The following MGAT5 variants were observed in gnomAD, a reference collection of about 807,000 sequenced individuals.
The protein encoded by MGAT5 is alpha-1,6-mannosylglycoprotein 6-beta-N-acetylglucosaminyltransferase A.
A neutral mutation model predicts 94.3 loss-of-function variants in MGAT5; 30 were observed. The observed-to-expected ratio is 0.32, with a 90% CI of 0.24 to 0.43. The LOEUF (loss-of-function observed/expected upper bound fraction) is 0.43, where lower values mean the gene tolerates loss of function less well. MGAT5 is among the 20% of genes least tolerant of loss of function. The probability of loss-of-function intolerance (pLI) is 1.00; values close to 1 mark genes in which losing one functional copy is unlikely to be tolerated. For missense variants in MGAT5, 691 were observed against 905.5 expected (o/e 0.76, Z 3.04); for synonymous variants, 310 against 322.9 (o/e 0.96, Z 0.43).
chr2:134,411,649 G>T (rs181660862), intron 11 of MGAT5, among the ~76,000 whole-genome samples: 1 of 152,148 alleles, frequency 6.6e-6, no homozygotes, highest in Non-Finnish European at 1.5e-5. Flanking sequence ...CATGCAGCCC[G>T]GCAGCTTGGG....
intron 2 of MGAT5, among the ~76,000 whole-genome samples, chr2:134,286,283 C>T (rs76334344): frequency 0.026 from 3,967 of 152,250 alleles, 182 homozygotes; most frequent in African/African-American, 0.09. Flanking sequence ...GTACAGTTGT[C>T]GTAGGACTGT....
At chr2:134,226,209 T>C (rs776490017) in intron 1 of MGAT5, among the ~76,000 whole-genome samples, 12 of 152,224 alleles carry the variant, frequency 7.9e-5, no homozygotes, top group Non-Finnish European at 1.6e-4. Context: ...AATTGCCTAG[T>C]TGATGCATGG....
chr2:134,387,332 A>ATTTTTTTT (rs35936767), intron 10 of MGAT5, among the ~76,000 whole-genome samples: 20 of 24,248 alleles, frequency 8.2e-4, no homozygotes, highest in African/African-American at 3.4e-3. Flanking sequence ...ATATATATAT[A>ATTTTTTTT]TTTTTTTTTT....
At chr2:134,390,592 A>G (rs1343532923) in intron 10 of MGAT5, among the ~76,000 whole-genome samples, 3 of 152,228 alleles carry the variant, frequency 2.0e-5, no homozygotes, top group Non-Finnish European at 1.5e-5. Flanking sequence ...ACATGGCAGA[A>G]CCCTGTAACT....
At chr2:134,414,514 T>C (rs1441905375) in intron 12 of MGAT5, among the ~76,000 whole-genome samples, 1 of 152,232 alleles carries the variant, frequency 6.6e-6, no homozygotes, top group Non-Finnish European at 1.5e-5. Flanking sequence ...AAAAATATGC[T>C]TAAGGTGTAC....
At chr2:134,244,482 C>T (rs1365732718) in intron 1 of MGAT5, among the ~76,000 whole-genome samples, 2 of 152,098 alleles carry the variant, frequency 1.3e-5, no homozygotes, top group Non-Finnish European at 2.9e-5. Context: ...AGTCAGTGCC[C>T]AGACAGCACT....
At chr2:134,186,594 G>A (rs896213034) in intron 1 of MGAT5, among the ~76,000 whole-genome samples, 5 of 152,216 alleles carry the variant, frequency 3.3e-5, no homozygotes, top group South Asian at 2.1e-4. Flanking sequence ...GCAGTTGGCT[G>A]AGTCTGATGG....
At chr2:134,395,945 G>A (rs948484489) in intron 10 of MGAT5, among the ~76,000 whole-genome samples, 18 of 152,214 alleles carry the variant, frequency 1.2e-4, no homozygotes, top group African/African-American at 3.9e-4. Context: ...AAGACTAAAT[G>A]TGGAGGCCAG....
At chr2:134,291,750 T>C (rs1320954078) in intron 2 of MGAT5, among the ~76,000 whole-genome samples, 1 of 152,204 alleles carries the variant, frequency 6.6e-6, no homozygotes, top group Non-Finnish European at 1.5e-5. Flanking sequence ...ACTGTGAGAA[T>C]ATATTTAAGT....
chr2:134,175,785 C>T (rs939610670), intron 1 of MGAT5, among the ~76,000 whole-genome samples: 51 of 152,176 alleles, frequency 3.4e-4, no homozygotes, highest in African/African-American at 1.2e-3. Flanking sequence ...GTGTGTCCAC[C>T]TCCCTGGAAG....
At chr2:134,333,420 T>A (rs1303499351) in intron 4 of MGAT5, among the ~76,000 whole-genome samples, 1 of 110,626 alleles carries the variant, frequency 9.0e-6, no homozygotes, top group African/African-American at 3.6e-5. Flanking sequence ...AACATCACAC[T>A]CTGGGGACTG....
chr2:134,364,955 G>C (rs528436181), intron 10 of MGAT5, among the ~76,000 whole-genome samples: 2 of 152,148 alleles, frequency 1.3e-5, no homozygotes, highest in Non-Finnish European at 2.9e-5. Flanking sequence ...CTAAAGTTAC[G>C]TTCAACATAG....
At chr2:134,263,054 G>A (rs1336616383) in intron 1 of MGAT5, among the ~76,000 whole-genome samples, 4 of 152,174 alleles carry the variant, frequency 2.6e-5, no homozygotes, top group East Asian at 3.8e-4. Flanking sequence ...TGGTGGTGGT[G>A]TTTCTGGCAT....
chr2:134,315,449 T>C lies in MGAT5; in HGVS notation c.407-2080T>C, dbSNP rs190333450. 4.2e-3 allele frequency among the ~76,000 whole-genome samples: 646 copies of C among 152,354 alleles called. 4 individuals carry two copies. The highest frequency in any genetic ancestry group is 0.015 in the African/African-American group (619 of 41,584). ...GAATAATGGTCATTGCAAAATACTA[T>C]TCTTTGGTGAGGCATTCCATTTGTT... On this transcript the variant is annotated intron_variant, in intron 2 of 15. Coordinates refer to ENST00000281923, the MANE Select transcript of MGAT5 (RefSeq NM_002410.5).
chr2:134,126,349 C>T (rs60512893), intron 1 of MGAT5, among the ~76,000 whole-genome samples: 25,352 of 152,186 alleles, frequency 0.17, 3,151 homozygotes, highest in African/African-American at 0.36. Context: ...TGGGCCTCAG[C>T]TGTTAGGTTG....
chr2:134,318,563 A>T (rs1245027466), intron 3 of MGAT5, 87 bp from the exon 4 acceptor site: 1 of 989,626 alleles, frequency 1.0e-6, no homozygotes, highest in Non-Finnish European at 1.6e-6. Context: ...CATTCACTCC[A>T]TCTTCACCAT....
chr2:134,321,094 C>CGGCTT (rs2105912450), intron 4 of MGAT5, among the ~76,000 whole-genome samples: 1 of 152,238 alleles, frequency 6.6e-6, no homozygotes, highest in African/African-American at 2.4e-5. Context: ...TTCTGGCTTC[C>CGGCTT]GGCTTGGGTG....
At chr2:134,403,263 T>C in intron 11 of MGAT5, 126 bp downstream of exon 11, 1 of 939,312 alleles carries the variant, frequency 1.1e-6, no homozygotes, top group Non-Finnish European at 1.5e-6. Context: ...GGCAGCAGTT[T>C]GCTAGACCAA....
chr2:134,142,777 C>CT (rs1047734582), intron 1 of MGAT5, among the ~76,000 whole-genome samples: 8 of 152,194 alleles, frequency 5.3e-5, no homozygotes, highest in Admixed American at 2.6e-4. Context: ...TTTTTTAACT[C>CT]TTTTTTTGTG....
Sources: allele counts gnomAD v4.1 joint callset (sites outside exome capture counted in the v4.1 genomes callset), GRCh38; gene constraint gnomAD v4.1.1; transcripts MANE v1.5; gene names NCBI Gene and HGNC (gene_info 2026-07-23, HGNC 2026-07-21).